GRM8: variants seen among roughly 807,000 people sequenced by gnomAD.
GRM8 encodes metabotropic glutamate receptor 8.
A neutral mutation model predicts 87.2 loss-of-function variants in GRM8; 47 were observed. That is an observed-to-expected ratio of 0.54 (90% CI 0.43 to 0.69). The LOEUF (loss-of-function observed/expected upper bound fraction) is 0.69, where lower values mean the gene tolerates loss of function less well. GRM8 is among the 30% of genes least tolerant of loss of function. The pLI is 0.00. For synonymous variants in GRM8, 396 were observed against 404.5 expected (o/e 0.98, Z 0.25); for missense variants, 1,019 against 1,139.2 (o/e 0.89, Z 1.52).
At chr7:127,092,307 G>T (rs1824213142) in intron 3 of GRM8, among the ~76,000 whole-genome samples, 2 of 151,982 alleles carry the variant, frequency 1.3e-5, no homozygotes, top group South Asian at 4.1e-4. Flanking sequence ...GTTTTCATTT[G>T]ACAGAATACA....
intron 1 of GRM8, among the ~76,000 whole-genome samples, chr7:127,244,020 G>C (rs1295011844): frequency 6.6e-6 from 1 of 151,952 alleles, no homozygotes; most frequent in Admixed American, 6.6e-5. Context: ...CAAAGTGAAA[G>C]AGAGAAAGAA....
intron 7 of GRM8, among the ~76,000 whole-genome samples, chr7:126,627,219 G>GT (rs1413447391): frequency 6.6e-6 from 1 of 152,172 alleles, no homozygotes. Context: ...AGTGGTTGAG[G>GT]TGATTTTGTC....
chr7:127,029,926 C>A (rs138062569), intron 3 of GRM8, among the ~76,000 whole-genome samples: 67 of 152,180 alleles, frequency 4.4e-4, no homozygotes, highest in Non-Finnish European at 5.9e-4. Context: ...TGTCCCCCAA[C>A]CTCACCATAC....
intron 3 of GRM8, among the ~76,000 whole-genome samples, chr7:127,035,103 G>T (rs570411020): frequency 6.6e-6 from 1 of 152,292 alleles, no homozygotes; most frequent in African/African-American, 2.4e-5. Flanking sequence ...TAATGCCAAT[G>T]TTGGAAATAT....
intron 8 of GRM8, among the ~76,000 whole-genome samples, chr7:126,606,589 T>G (rs1798373745): frequency 6.6e-6 from 1 of 152,190 alleles, no homozygotes; most frequent in Admixed American, 6.5e-5. Context: ...AGGATAAAAG[T>G]CATTTGATTT....
rs558885433 is a variant in GRM8, at chr7:126,838,407, T to C, written c.1156+64135A>G. Among the ~76,000 whole-genome samples the C allele has an allele frequency of 1.1e-3, 172 of 152,292 alleles. 1 individual carries two copies. Among genetic ancestry groups the C allele is most frequent in the Admixed American group, 9.7e-3 (148 of 15,278 alleles). ...ATTCAACACTGAGGTACTGAAACTC[T>C]GGGGTTTTTGCACTTATATGCAGAG... On this transcript the variant is annotated intron_variant, in intron 6 of 10. Transcript: ENST00000339582.
chr7:126,587,809 A>T (rs1041441896), intron 8 of GRM8, among the ~76,000 whole-genome samples: 20 of 152,014 alleles, frequency 1.3e-4, no homozygotes, highest in African/African-American at 4.8e-4. Flanking sequence ...TGTGCCCTAG[A>T]ACTTAAAGTA....
chr7:127,219,938 G>A (rs1415424128), intron 2 of GRM8, among the ~76,000 whole-genome samples: 1 of 152,122 alleles, frequency 6.6e-6, no homozygotes, highest in African/African-American at 2.4e-5. Flanking sequence ...AACTTTGCAG[G>A]AGCCAGCAAA....
At chr7:126,508,223 G>A (rs1432483456) in intron 9 of GRM8, among the ~76,000 whole-genome samples, 1 of 146,962 alleles carries the variant, frequency 6.8e-6, no homozygotes, top group African/African-American at 2.6e-5. Context: ...CCACAGACTG[G>A]GTAATTTATC....
intron 6 of GRM8, among the ~76,000 whole-genome samples, chr7:126,818,826 C>T (rs1190195017): frequency 6.6e-6 from 1 of 152,142 alleles, no homozygotes; most frequent in South Asian, 2.1e-4. Context: ...TGACTCATTG[C>T]CTAATACTCA....
chr7:127,239,094 A>G (rs1798144593), intron 2 of GRM8, among the ~76,000 whole-genome samples: 1 of 152,228 alleles, frequency 6.6e-6, no homozygotes, highest in African/African-American at 2.4e-5. Flanking sequence ...AGCAAGACTG[A>G]AGAAAGTGGT....
chr7:126,482,631 G>T (rs1053688125), intron 9 of GRM8, among the ~76,000 whole-genome samples: 2 of 151,982 alleles, frequency 1.3e-5, no homozygotes, highest in Non-Finnish European at 1.5e-5. Context: ...TAGATCCAGG[G>T]TCTGGGGGGA....
chr7:126,864,441 TTA>T (rs1393652155), intron 6 of GRM8, among the ~76,000 whole-genome samples: 3 of 152,158 alleles, frequency 2.0e-5, no homozygotes, highest in Non-Finnish European at 4.4e-5. Context: ...TTCTTTATAA[TTA>T]ACTTCAAACT....
At position 126,785,072 on chromosome 7, in the gene GRM8, C is replaced by T. The variant is rs567897091; in HGVS notation, c.1157-15007G>A. ...ACTTTTCCAGGCTGGAGTGTAGTAG[C>T]TACTCACAGGCATGATCATAGCACA... is the stretch of plus-strand genomic sequence containing the variant. On this transcript the variant is annotated intron_variant, in intron 6 of 10. Transcript: ENST00000339582. Among the ~76,000 whole-genome samples, 348 of 152,212 alleles carry T rather than the reference C, an allele frequency of 2.3e-3. 1 individual carries two copies. The highest frequency in any genetic ancestry group is 4.0e-3 in the Non-Finnish European group (271 of 68,002).
At chr7:126,848,999 T>C (rs986621870) in intron 6 of GRM8, among the ~76,000 whole-genome samples, 1 of 152,054 alleles carries the variant, frequency 6.6e-6, no homozygotes, top group Admixed American at 6.6e-5. Flanking sequence ...AGAGAACTTG[T>C]GCAGGGAAAC....
intron 2 of GRM8, among the ~76,000 whole-genome samples, chr7:127,212,961 T>A (rs973603447): frequency 3.9e-5 from 6 of 152,246 alleles, no homozygotes; most frequent in Non-Finnish European, 8.8e-5. Context: ...ATTCAACAGA[T>A]AGATTTCTCT....
At chr7:126,763,107 A>ACC (rs59761737) in intron 7 of GRM8, among the ~76,000 whole-genome samples, 3 of 149,954 alleles carry the variant, frequency 2.0e-5, no homozygotes, top group African/African-American at 7.4e-5. Context: ...TTGACACAAC[A>ACC]CCCCCCCAAT....
intron 2 of GRM8, among the ~76,000 whole-genome samples, chr7:127,161,559 C>T (rs1793117533): frequency 6.6e-6 from 1 of 152,158 alleles, no homozygotes; most frequent in African/African-American, 2.4e-5. Flanking sequence ...TGTGTCCATG[C>T]ATACACTTAT....
chr7:127,202,788 A>T (rs1795685621), intron 2 of GRM8, among the ~76,000 whole-genome samples: 1 of 152,154 alleles, frequency 6.6e-6, no homozygotes, highest in South Asian at 2.1e-4. Context: ...AAGATTGTTG[A>T]CCTCTTTAAA....
Sources: allele counts gnomAD v4.1 joint callset (sites outside exome capture counted in the v4.1 genomes callset), GRCh38; gene constraint gnomAD v4.1.1; transcripts MANE v1.5; gene names NCBI Gene and HGNC (gene_info 2026-07-23, HGNC 2026-07-21).